The following PHIP variants were observed in gnomAD, a reference collection of about 807,000 sequenced individuals.
The protein encoded by PHIP is PH-interacting protein.
In PHIP, 54 loss-of-function variants were observed where a neutral mutation model predicts 236.8. The observed-to-expected ratio is 0.23, with a 90% CI of 0.18 to 0.29. PHIP has a LOEUF of 0.29. Ranked by LOEUF, PHIP falls within the 10% of genes least tolerant of loss-of-function variation. PHIP has a pLI of 1.00. For missense variants in PHIP, 1,370 were observed against 2,190.8 expected, an observed-to-expected ratio of 0.63 and a Z score of 7.48; for synonymous variants, 756 against 718.9, an observed-to-expected ratio of 1.05 and a Z score of -0.83.
Position 78,945,365 on chromosome 6 carries a change from T to C in PHIP, c.4763A>G (p.Lys1588Arg). Residue 1588 changes from lysine to arginine, a missense_variant, in exon 39 of 40, where the codon AAA becomes AGA. Transcript: ENST00000275034. ...CTTTGGGAGTACAGATGACTTCATTTTACGTTTGACTGGCTTTTCCTTTTC... is the reference window on the plus strand; with the variant it reads ...CTTTGGGAGTACAGATGACTTCATTCTACGTTTGACTGGCTTTTCCTTTTC... ...NMEKEKPVKR[K>R]MKSSVLPKAS... 6.2e-7 allele frequency: 1 copy of C among 1,613,906 alleles called. No homozygotes were observed. Among genetic ancestry groups the C allele is most frequent in the Non-Finnish European group, 8.5e-7 (1 of 1,179,798 alleles).
In PHIP at chr6:78,969,011, T is replaced by C. The variant is rs187097324; in HGVS notation, c.3205+824A>G. Among the ~76,000 whole-genome samples the C allele has an allele frequency of 4.7e-4, 72 of 152,344 alleles. 1 individual carries two copies. Among genetic ancestry groups the C allele is most frequent in the Admixed American group, 7.8e-4 (12 of 15,296 alleles). ...TTCCTGTTCTGGACTTCCTGTTTCC[T>C]GAGGGGATTCCATTCTTTTCCCTTT... On this transcript the variant is annotated intron_variant, in intron 27 of 39. Coordinates refer to ENST00000275034, the MANE Select transcript of PHIP (RefSeq NM_017934.7).
intron 4 of PHIP, among the ~76,000 whole-genome samples, chr6:79,063,323 C>A (rs1773470633): frequency 6.6e-6 from 1 of 152,206 alleles, no homozygotes. Flanking sequence ...TCTCAAAAAA[C>A]CCAAAACATT....
At chr6:78,960,180 A>AC in intron 31 of PHIP, among the ~76,000 whole-genome samples, 1 of 152,310 alleles carries the variant, frequency 6.6e-6, no homozygotes, top group Non-Finnish European at 1.5e-5. Context: ...AAGCTGAAAA[A>AC]TCTAAGTCAA....
intron 6 of PHIP, among the ~76,000 whole-genome samples, chr6:79,048,669 T>G (rs1471458560): frequency 6.6e-6 from 1 of 152,180 alleles, no homozygotes; most frequent in Non-Finnish European, 1.5e-5. Context: ...AAGGTTAGTG[T>G]TTTTTGTTAT....
intron 4 of PHIP, among the ~76,000 whole-genome samples, chr6:79,074,044 G>A (rs947623070): frequency 4.6e-5 from 7 of 152,084 alleles, no homozygotes; most frequent in African/African-American, 1.7e-4. Context: ...GAAATTCCAT[G>A]ACTTGCCCAA....
rs10806154 is a variant in PHIP at position 78,972,650 on chromosome 6, T to G, written c.2890-1762A>C. On this transcript the variant is annotated intron_variant, in intron 24 of 39. Transcript: ENST00000275034. Reference sequence around the variant, plus strand: ...TTTGAAAAAAATTTAGAAGAATGTGTAACTAGAATAATCAATACAGAGAAG... The same window carrying G: ...TTTGAAAAAAATTTAGAAGAATGTGGAACTAGAATAATCAATACAGAGAAG... Among the ~76,000 whole-genome samples the G allele has an allele frequency of 2.6e-5, 4 of 151,990 alleles. No individual in the cohort carries two copies. The East Asian group carries it at 7.7e-4, about 29-fold the overall frequency.
At chr6:79,034,201 C>T (rs924269788) in intron 7 of PHIP, among the ~76,000 whole-genome samples, 1 of 151,990 alleles carries the variant, frequency 6.6e-6, no homozygotes, top group Non-Finnish European at 1.5e-5. Context: ...AGGGTTTTCA[C>T]AAATATACAA....
chr6:79,000,368 T>A (rs1337399367), intron 17 of PHIP, among the ~76,000 whole-genome samples: 1 of 152,072 alleles, frequency 6.6e-6, no homozygotes, highest in Non-Finnish European at 1.5e-5. Flanking sequence ...AATAATGGAC[T>A]GAGAATCAGA....
At chr6:78,981,507 A>C (rs1027887038) in intron 23 of PHIP, among the ~76,000 whole-genome samples, 15 of 152,026 alleles carry the variant, frequency 9.9e-5, no homozygotes. Context: ...TTGCAACAAC[A>C]CAGTGAAATT....
chr6:78,944,218 C>G (rs1773677707), intron 39 of PHIP, among the ~76,000 whole-genome samples: 1 of 152,026 alleles, frequency 6.6e-6, no homozygotes, highest in African/African-American at 2.4e-5. Context: ...GTAAAAGAAC[C>G]TGGAATGTTA....
intron 22 of PHIP, 31 bp from the exon 23 acceptor site, chr6:78,983,148 A>T (rs749997699): frequency 1.7e-6 from 2 of 1,152,358 alleles, no homozygotes; most frequent in South Asian, 3.1e-5. Context: ...ATTAGATAAC[A>T]CACAAGATAA....
intron 39 of PHIP, among the ~76,000 whole-genome samples, chr6:78,942,148 G>A (rs1168554115): frequency 6.6e-6 from 1 of 152,118 alleles, no homozygotes; most frequent in African/African-American, 2.4e-5. Flanking sequence ...CTTCATAACA[G>A]CATTTTTGGT....
rs1773249935 is a variant in PHIP at position 78,935,658 on chromosome 6, A to G, written c.*5035T>C. The G allele has an allele frequency of 3.0e-6, 3 of 983,994 alleles. No individual in the cohort carries two copies. The highest frequency in any genetic ancestry group is 3.6e-6 in the Non-Finnish European group (3 of 828,650). 61.0% of individuals were successfully genotyped at this position (983,994 alleles called of 1,614,324 possible). A position where few individuals can be genotyped will look rare whatever the true frequency, so the allele number is the denominator to read the frequency against. On this transcript the variant is annotated 3_prime_UTR_variant, in exon 40 of 40. Coordinates refer to ENST00000275034, the MANE Select transcript of PHIP (RefSeq NM_017934.7). ...TTCAGTTGTTTTGGAATTAAATTACATTTCGGCACCCAAATATCTTTTAAC... is the reference window on the plus strand; with the variant it reads ...TTCAGTTGTTTTGGAATTAAATTACGTTTCGGCACCCAAATATCTTTTAAC...
intron 27 of PHIP, among the ~76,000 whole-genome samples, chr6:78,968,008 G>C (rs1767257608): frequency 1.3e-5 from 2 of 152,090 alleles, no homozygotes; most frequent in South Asian, 4.2e-4. Context: ...CGTGGTGGCA[G>C]GAGCCTGTAG....
intron 22 of PHIP, among the ~76,000 whole-genome samples, chr6:78,983,777 T>C (rs1768691891): frequency 6.6e-6 from 1 of 152,192 alleles, no homozygotes; most frequent in African/African-American, 2.4e-5. Context: ...AAGCATGCCA[T>C]GATTCAGAAA....
At chr6:78,946,282 C>T in intron 37 of PHIP, 22 bp from the exon 38 acceptor site, 3 of 1,602,334 alleles carry the variant, frequency 1.9e-6, no homozygotes, top group Middle Eastern at 1.7e-4. Context: ...ATAGTATTGT[C>T]AGTCACTCTT....
At chr6:78,945,939 A>T (rs1176921366) in intron 38 of PHIP, 62 bp downstream of exon 38, 2 of 1,234,146 alleles carry the variant, frequency 1.6e-6, no homozygotes. Context: ...TGCATTTGGC[A>T]AAGTAAAAGC....
intron 21 of PHIP, among the ~76,000 whole-genome samples, chr6:78,986,996 G>A (rs978239556): frequency 2.0e-5 from 3 of 151,938 alleles, no homozygotes; most frequent in African/African-American, 4.8e-5. Context: ...CAAAACATCT[G>A]AACCAAAAAA....
intron 6 of PHIP, among the ~76,000 whole-genome samples, chr6:79,044,920 A>G (rs1288385345): frequency 2.0e-5 from 3 of 152,188 alleles, no homozygotes; most frequent in African/African-American, 7.2e-5. Flanking sequence ...CTTTGACCTA[A>G]ACTGGGATTA....
Sources: gnomAD v4.1 joint callset for allele counts (sites outside exome capture counted in the v4.1 genomes callset) on GRCh38, gnomAD v4.1.1 for gene constraint, MANE v1.5 for transcripts, NCBI Gene and HGNC (gene_info 2026-07-23, HGNC 2026-07-21) for gene names.